Variants in LSM14A observed in about 807,000 individuals in gnomAD.
LSM14A encodes protein LSM14 homolog A.
LSM14A carries 14 observed loss-of-function variants against 52.4 expected under a neutral mutation model. The observed-to-expected ratio is 0.27, with a 90% CI of 0.18 to 0.42. LSM14A has a LOEUF of 0.42. LSM14A is among the 10% of genes least tolerant of loss of function. The pLI is 1.00. For missense variants in LSM14A, 417 were observed against 581.8 expected (o/e 0.72, Z 2.91); for synonymous variants, 185 against 200.3 (o/e 0.92, Z 0.64).
intron 3 of LSM14A, among the ~76,000 whole-genome samples, chr19:34,200,354 G>A (rs941282879): frequency 2.0e-5 from 3 of 152,114 alleles, no homozygotes; most frequent in Admixed American, 6.5e-5. Flanking sequence ...TTAAAAAGTT[G>A]GTGTGAAGAA....
chr19:34,205,011 A>T (rs2071575977), intron 3 of LSM14A, among the ~76,000 whole-genome samples: 1 of 152,128 alleles, frequency 6.6e-6, no homozygotes, highest in Non-Finnish European at 1.5e-5. Context: ...ATGCGCCTGT[A>T]GTCCCAGCTA....
rs527675857 is a variant in LSM14A at position 34,203,582 on chromosome 19, T to G, written c.416-5347T>G. On this transcript the variant is annotated intron_variant, in intron 3 of 9. Coordinates refer to ENST00000544216, the MANE Select transcript of LSM14A (RefSeq NM_015578.4). ...TGGGAGGCTGAGACGAGTGAATCAT[T>G]TGAGGTCAGGAGTTCAGGATCAGCC... Among the ~76,000 whole-genome samples the G allele has an allele frequency of 2.6e-4, 39 of 152,104 alleles. No homozygotes were observed. In the South Asian group the frequency reaches 3.9e-3, roughly 15 times the overall value.
intron 1 of LSM14A, among the ~76,000 whole-genome samples, chr19:34,190,108 C>T (rs1263443797): frequency 6.6e-6 from 1 of 152,140 alleles, no homozygotes; most frequent in Non-Finnish European, 1.5e-5. Context: ...CTTTTCTGTG[C>T]TTATCATGCC....
chr19:34,215,756 C>T (rs1174500434), intron 6 of LSM14A, 95 bp downstream of exon 6: 11 of 902,300 alleles, frequency 1.2e-5, no homozygotes, highest in Admixed American at 2.3e-5. Flanking sequence ...AAATGAAAGG[C>T]GGGGGTTGTG....
intron 8 of LSM14A, among the ~76,000 whole-genome samples, 161 bp downstream of exon 8, chr19:34,220,038 C>T (rs1383415389): frequency 3.3e-5 from 5 of 152,210 alleles, no homozygotes; most frequent in African/African-American, 1.2e-4. Context: ...AGTGCAGTCA[C>T]AGCTCACTGT....
chr19:34,178,047 G>A (rs892482082), intron 1 of LSM14A, among the ~76,000 whole-genome samples: 3 of 151,930 alleles, frequency 2.0e-5, no homozygotes, highest in African/African-American at 4.8e-5. Flanking sequence ...TGTAATCCCA[G>A]CTACTTGAGA....
intron 1 of LSM14A, among the ~76,000 whole-genome samples, chr19:34,192,328 T>G (rs1259254857): frequency 1.6e-5 from 2 of 126,648 alleles, no homozygotes; most frequent in South Asian, 2.6e-4. Flanking sequence ...TGTTTTTTTT[T>G]TTTTTTTTTT....
At chr19:34,223,012 T>C (rs551580801) in intron 9 of LSM14A, among the ~76,000 whole-genome samples, 2 of 152,334 alleles carry the variant, frequency 1.3e-5, no homozygotes, top group African/African-American at 4.8e-5. Context: ...TCTTTCTTCC[T>C]AGTCTTTAAA....
chr19:34,180,256 C>T (rs2069384403), intron 1 of LSM14A, among the ~76,000 whole-genome samples: 1 of 152,088 alleles, frequency 6.6e-6, no homozygotes, highest in Non-Finnish European at 1.5e-5. Flanking sequence ...GTGAGTTGGT[C>T]TGTAAAATAA....
chr19:34,205,944 A>G (rs947381910), intron 3 of LSM14A, among the ~76,000 whole-genome samples: 5 of 152,178 alleles, frequency 3.3e-5, no homozygotes, highest in African/African-American at 1.2e-4. Context: ...AATACCAGGA[A>G]TGAAAGAGTA....
At chr19:34,202,071 G>A (rs954607498) in intron 3 of LSM14A, among the ~76,000 whole-genome samples, 3 of 150,106 alleles carry the variant, frequency 2.0e-5, no homozygotes, top group South Asian at 2.1e-4. Context: ...GCCTGCCTCC[G>A]CCTCCCAAAG....
At chr19:34,186,227 A>T (rs1387197305) in intron 1 of LSM14A, among the ~76,000 whole-genome samples, 1 of 152,258 alleles carries the variant, frequency 6.6e-6, no homozygotes, top group African/African-American at 2.4e-5. Context: ...TGTGGTTTTC[A>T]AAGGAAGAAC....
chr19:34,215,730 C>A, intron 6 of LSM14A, 69 bp downstream of exon 6: 1 of 1,083,548 alleles, frequency 9.2e-7, no homozygotes. Flanking sequence ...ATATATGATA[C>A]ATAATTACTA....
chr19:34,219,530 G>A lies in LSM14A; in HGVS notation c.921G>A (p.Lys307=). 2 of 1,613,438 alleles carry A rather than the reference G, an allele frequency of 1.2e-6. No homozygotes were observed. The highest frequency in any genetic ancestry group is 1.1e-5 in the South Asian group (1 of 90,874). The change falls in exon 7 of 10, where the codon AAG becomes AAA. Residue 307 remains lysine, a synonymous_variant. Coordinates refer to ENST00000544216, the MANE Select transcript of LSM14A (RefSeq NM_015578.4). ...DFESANAQFN[K]EEIDREFHNK... Reference sequence around the variant, plus strand: ...AAAGTGCAAATGCACAATTCAACAAGGAAGAGATTGACAGAGAGTTTCATA... The same window carrying A: ...AAAGTGCAAATGCACAATTCAACAAAGAAGAGATTGACAGAGAGTTTCATA...
At chr19:34,182,933 C>A (rs550774145) in intron 1 of LSM14A, among the ~76,000 whole-genome samples, 2 of 152,062 alleles carry the variant, frequency 1.3e-5, no homozygotes, top group East Asian at 3.9e-4. Context: ...CTCTCCCCCT[C>A]CTCTTTCTAG....
At chr19:34,195,467 T>TG (rs2070766344) in intron 2 of LSM14A, 1 of 152,284 alleles carries the variant, frequency 6.6e-6, no homozygotes. Flanking sequence ...CATGAGCCAC[T>TG]GTGCCTGGCC....
intron 1 of LSM14A, among the ~76,000 whole-genome samples, chr19:34,174,128 T>G (rs1424133462): frequency 1.3e-5 from 2 of 152,184 alleles, no homozygotes; most frequent in Non-Finnish European, 2.9e-5. Context: ...TTGGTATTTT[T>G]AGTAGAGACG....
Position 34,172,540 on chromosome 19 carries a change from C to A in LSM14A, c.-103C>A, listed in dbSNP as rs2068775413. ...CGCCGCCGCCATGTTGGGTCTGAAG[C>A]GGCTGCTGTAGGCGCCGACGGAGCG... On this transcript the variant is annotated 5_prime_UTR_variant, in exon 1 of 10. Transcript: ENST00000544216. The A allele has an allele frequency of 7.5e-7, 1 of 1,330,940 alleles. No individual in the cohort carries two copies. Among genetic ancestry groups the A allele is most frequent in the Non-Finnish European group, 9.8e-7 (1 of 1,025,404 alleles). 82.4% of individuals were successfully genotyped at this position (1,330,940 alleles called of 1,614,324 possible).
chr19:34,227,265 A>G, intron 9 of LSM14A, 100 bp from the exon 10 acceptor site: 1 of 756,500 alleles, frequency 1.3e-6, no homozygotes, highest in Non-Finnish European at 2.2e-6. Context: ...AAAGTGGGGG[A>G]GTATATTTAA....
Sources: allele counts gnomAD v4.1 joint callset (sites outside exome capture counted in the v4.1 genomes callset), GRCh38; gene constraint gnomAD v4.1.1; transcripts MANE v1.5; gene names NCBI Gene and HGNC (gene_info 2026-07-23, HGNC 2026-07-21).